Variants in CELF2 observed in about 807,000 individuals in gnomAD.
CELF2 encodes CUG triplet repeat RNA-binding protein 2.
Under a neutral mutation model 62.6 loss-of-function variants are expected in CELF2, and 8 were observed. That is an observed-to-expected ratio of 0.13 (90% CI 0.07 to 0.23). The LOEUF (loss-of-function observed/expected upper bound fraction) is 0.23. Among genes scored for constraint, CELF2 ranks in the 10% least tolerant of loss-of-function variants. CELF2 has a pLI of 1.00. For missense variants in CELF2, 333 were observed against 671.0 expected, an observed-to-expected ratio of 0.50 and a Z score of 5.56; for synonymous variants, 258 against 250.0, an observed-to-expected ratio of 1.03 and a Z score of -0.30.
intron 1 of CELF2, among the ~76,000 whole-genome samples, chr10:11,084,583 G>A (rs886809067): frequency 4.9e-4 from 75 of 152,162 alleles, no homozygotes; most frequent in Admixed American, 1.4e-3. Context: ...CGAGAAAAAT[G>A]ATAATCATGC....
At chr10:10,582,019 T>A in the CELF2 span, among the ~76,000 whole-genome samples, 1 of 151,958 alleles carries the variant, frequency 6.6e-6, no homozygotes, top group East Asian at 1.9e-4. Context: ...CAGAGCAAGA[T>A]TCCATCTAAA....
chr10:11,095,771 C>T (rs887365104), intron 1 of CELF2, among the ~76,000 whole-genome samples: 28 of 152,142 alleles, frequency 1.8e-4, no homozygotes, highest in Admixed American at 1.8e-3. Context: ...ATCATCATGA[C>T]AGGAGACGCT....
Position 11,055,954 on chromosome 10 carries a change from T to C in CELF2, c.74+37791T>C, listed in dbSNP as rs556740831. ...TTGAAAACAAAGCTTTAAAAGCAGA[T>C]AGGGGAGCCACAGAGAAGAGTAGTG... is the stretch of plus-strand genomic sequence containing the variant. On this transcript the variant is annotated intron_variant, in intron 1 of 12. Coordinates refer to ENST00000633077, the MANE Select transcript of CELF2 (RefSeq NM_001326342.2). 2.0e-5 allele frequency among the ~76,000 whole-genome samples: 3 copies of C among 152,236 alleles called. No homozygotes were observed. The South Asian group carries it at 6.2e-4, about 31-fold the overall frequency.
chr10:10,805,249 G>A (rs1283959338), intron 1 of CELF2, among the ~76,000 whole-genome samples: 1 of 152,114 alleles, frequency 6.6e-6, no homozygotes, highest in African/African-American at 2.4e-5. Context: ...GTGTGGACTT[G>A]GGTATTGCTA....
chr10:11,314,262 C>T lies in CELF2; in HGVS notation c.1096+4C>T. On this transcript the variant is annotated splice_donor_region_variant and intron_variant, in intron 10 of 12. Coordinates refer to ENST00000633077, the MANE Select transcript of CELF2 (RefSeq NM_001326342.2). The surrounding 1 kb of genome is among the most constrained non-coding windows in gnomAD (Gnocchi z 5.3). ...AATAATATTAATGCACTAGCAGGTA[C>T]CATCAACAGTGAGTATTTGCTGCTC... 1 of 1,614,166 alleles carries T rather than the reference C, an allele frequency of 6.2e-7. No homozygotes were observed. The highest frequency in any genetic ancestry group is 8.5e-7 in the Non-Finnish European group (1 of 1,180,018).
the CELF2 span, among the ~76,000 whole-genome samples, chr10:10,773,189 C>G: frequency 2.5e-3 from 382 of 152,212 alleles, 2 homozygotes; most frequent in African/African-American, 8.6e-3. Context: ...GGAAAAATAA[C>G]CCCCCACCTT....
rs1270363016 is a variant in CELF2, at chr10:11,314,579, C to T, written c.1096+321C>T. The T allele has an allele frequency of 4.1e-5, 16 of 391,100 alleles. No individual in the cohort carries two copies. The highest frequency in any genetic ancestry group is 6.9e-5 in the Non-Finnish European group (14 of 204,356). 24.2% of individuals were successfully genotyped at this position (391,100 alleles called of 1,614,324 possible). A position where few individuals can be genotyped will look rare whatever the true frequency, so the allele number is the denominator to read the frequency against. On this transcript the variant is annotated intron_variant, in intron 10 of 12. Coordinates refer to ENST00000633077, the MANE Select transcript of CELF2 (RefSeq NM_001326342.2). This position sits in a 1 kb window ranked among gnomAD's most constrained non-coding sequence, Gnocchi z 5.3. ...TTTGGTTTCGGTCGGTTCTGTCCTGCGAGGCAGGGTGTTACGGTGGGAAAA... is the reference window on the plus strand; with the variant it reads ...TTTGGTTTCGGTCGGTTCTGTCCTGTGAGGCAGGGTGTTACGGTGGGAAAA...
intron 2 of CELF2, among the ~76,000 whole-genome samples, chr10:11,175,578 C>T (rs555227083): frequency 1.3e-5 from 2 of 152,258 alleles, no homozygotes; most frequent in African/African-American, 2.4e-5. Flanking sequence ...GAGCATGTTA[C>T]AAAAGTTAAG....
chr10:10,482,211 G>C, the CELF2 span, among the ~76,000 whole-genome samples: 2 of 152,168 alleles, frequency 1.3e-5, no homozygotes, highest in South Asian at 4.1e-4. Context: ...TGTTAGAATT[G>C]TTCAGAAATA....
chr10:10,724,666 A>AG, the CELF2 span, among the ~76,000 whole-genome samples: 2,395 of 149,982 alleles, frequency 0.016, 95 homozygotes, highest in African/African-American at 0.056. Context: ...AAAAAAAAAA[A>AG]AAAAGAAAAA....
rs80256303 is a variant in CELF2 at position 10,878,507 on chromosome 10, G to A, written c.54-41457G>A. On this transcript the variant is annotated intron_variant, in intron 1 of 13. Coordinates refer to the CELF2 transcript ENST00000636488. ...ACTTCCTCAAGCCTGAGATTGGGGG[G>A]CTTCTGTCTGCTCTTTGAATCAGAT... 7.8e-3 allele frequency among the ~76,000 whole-genome samples: 1,194 copies of A among 152,264 alleles called. 25 individuals are homozygous for A. The highest frequency in any genetic ancestry group is 0.027 in the African/African-American group (1,130 of 41,540).
At chr10:10,853,981 CCTT>C (rs752577104) in intron 1 of CELF2, among the ~76,000 whole-genome samples, 7 of 152,118 alleles carry the variant, frequency 4.6e-5, no homozygotes, top group Non-Finnish European at 8.8e-5. Context: ...TCCCCATATA[CCTT>C]CTTTGTGTAG....
At chr10:10,625,376 A>G in the CELF2 span, among the ~76,000 whole-genome samples, 1 of 152,230 alleles carries the variant, frequency 6.6e-6, no homozygotes, top group Admixed American at 6.5e-5. Context: ...TTTGATGCTC[A>G]CGGCAACCTT....
chr10:10,728,947 C>T, the CELF2 span, among the ~76,000 whole-genome samples: 1 of 152,114 alleles, frequency 6.6e-6, no homozygotes, highest in African/African-American at 2.4e-5. Flanking sequence ...ACATATGTTG[C>T]TCATAATGTC....
At chr10:10,636,858 G>A in the CELF2 span, among the ~76,000 whole-genome samples, 5 of 152,148 alleles carry the variant, frequency 3.3e-5, no homozygotes, top group Non-Finnish European at 5.9e-5. Flanking sequence ...ACATTTGCAA[G>A]TGTGATAATG....
At chr10:10,829,707 C>G (rs1229633277) in intron 1 of CELF2, among the ~76,000 whole-genome samples, 1 of 152,086 alleles carries the variant, frequency 6.6e-6, no homozygotes, top group Non-Finnish European at 1.5e-5. Context: ...TCTTCTGCCT[C>G]TAGGACTCAA....
At chr10:11,101,880 A>T (rs2051767698) in intron 1 of CELF2, among the ~76,000 whole-genome samples, 1 of 152,226 alleles carries the variant, frequency 6.6e-6, no homozygotes, top group Non-Finnish European at 1.5e-5. Context: ...TTCAATAATG[A>T]CAGGAAAATA....
the CELF2 span, among the ~76,000 whole-genome samples, chr10:10,464,539 C>T: frequency 6.6e-6 from 1 of 151,960 alleles, no homozygotes; most frequent in Non-Finnish European, 1.5e-5. Flanking sequence ...AAATCCCGTA[C>T]GTGAAAAACA....
At chr10:11,090,564 G>A (rs1314783034) in intron 1 of CELF2, among the ~76,000 whole-genome samples, 1 of 152,100 alleles carries the variant, frequency 6.6e-6, no homozygotes, top group African/African-American at 2.4e-5. Context: ...TTTTAATTTG[G>A]AAATGTACAT....
Sources: allele counts gnomAD v4.1 joint callset (sites outside exome capture counted in the v4.1 genomes callset), GRCh38; gene constraint gnomAD v4.1.1; non-coding constraint Gnocchi (gnomAD v3.1); transcripts MANE v1.5; gene names NCBI Gene and HGNC (gene_info 2026-07-23, HGNC 2026-07-21).